The following POLR1E variants were observed in gnomAD, a reference collection of about 807,000 sequenced individuals.
POLR1E encodes the protein DNA-directed RNA polymerase I subunit RPA49.
POLR1E carries 37 observed loss-of-function variants against 50.9 expected under a neutral mutation model. The ratio of observed to expected loss-of-function variants is 0.73; its 90% confidence interval spans 0.56 to 0.96. The LOEUF (loss-of-function observed/expected upper bound fraction) is 0.96, where lower values mean the gene tolerates loss of function less well. POLR1E is among the 40% of genes least tolerant of loss of function. The pLI, the probability that POLR1E is intolerant of heterozygous loss-of-function variation, is 0.00. For missense variants in POLR1E, 426 were observed against 518.1 expected (o/e 0.82, Z 1.73); for synonymous variants, 166 against 191.6 (o/e 0.87, Z 1.10).
intron 8 of POLR1E, among the ~76,000 whole-genome samples, chr9:37,497,762 C>G (rs1468445080): frequency 6.6e-6 from 1 of 151,960 alleles, no homozygotes; most frequent in Non-Finnish European, 1.5e-5. Context: ...TGCTTTTGTT[C>G]GTTTGTTTTT....
intron 4 of POLR1E, chr9:37,492,162 A>C: frequency 1.2e-6 from 1 of 861,514 alleles, no homozygotes; most frequent in African/African-American, 1.8e-5. Flanking sequence ...ATAACAGGCA[A>C]GGCCACTCCA....
intron 8 of POLR1E, 146 bp from the exon 9 acceptor site, chr9:37,497,945 G>C (rs1820812961): frequency 2.2e-6 from 2 of 890,118 alleles, no homozygotes; most frequent in Non-Finnish European, 3.3e-6. Flanking sequence ...GTAGAGATGG[G>C]GTCTTGCCTT....
At chr9:37,494,960 C>T (rs1446676639) in intron 6 of POLR1E, among the ~76,000 whole-genome samples, 1 of 152,228 alleles carries the variant, frequency 6.6e-6, no homozygotes, top group African/African-American at 2.4e-5. Context: ...GTCACCTCCA[C>T]CTTCTCCAGT....
chr9:37,497,537 TATAA>T (rs1820806666), intron 8 of POLR1E, among the ~76,000 whole-genome samples: 1 of 152,200 alleles, frequency 6.6e-6, no homozygotes, highest in Non-Finnish European at 1.5e-5. Context: ...GTAAGTAAAG[TATAA>T]ATAAAGTTTT....
chr9:37,488,593 C>G (rs1820620114), intron 3 of POLR1E, among the ~76,000 whole-genome samples: 2 of 152,232 alleles, frequency 1.3e-5, no homozygotes, highest in Non-Finnish European at 2.9e-5. Context: ...CCTGCACTCT[C>G]CCCTCTCAGA....
chr9:37,486,525 ACCT>A (rs1820579013), intron 1 of POLR1E, 175 bp from the exon 2 acceptor site: 8 of 1,561,002 alleles, frequency 5.1e-6, no homozygotes, highest in Non-Finnish European at 6.9e-6. Flanking sequence ...CCACCTCCCT[ACCT>A]CCTCTTCTCA....
chr9:37,489,504 T>A, intron 4 of POLR1E, 104 bp downstream of exon 4: 1 of 738,312 alleles, frequency 1.4e-6, no homozygotes, highest in Non-Finnish European at 2.1e-6. Context: ...ATAGTTATTT[T>A]AATTTATTTA....
At chr9:37,486,641 C>T in intron 1 of POLR1E, 62 bp from the exon 2 acceptor site, 1 of 1,605,674 alleles carries the variant, frequency 6.2e-7, no homozygotes, top group Non-Finnish European at 8.5e-7. Context: ...TCCCACCGTA[C>T]ATTGTGTGGT....
intron 4 of POLR1E, chr9:37,492,244 G>C: frequency 7.8e-7 from 1 of 1,288,260 alleles, no homozygotes; most frequent in Non-Finnish European, 1.0e-6. Context: ...GAGAGCATCG[G>C]TAAGTACCAC....
intron 1 of POLR1E, chr9:37,486,441 A>G (rs960635444): frequency 2.6e-6 from 4 of 1,546,932 alleles, no homozygotes; most frequent in African/African-American, 2.7e-5. Context: ...CACTTTAGGT[A>G]TGTACCAGGC....
rs149832071 is a variant in POLR1E at position 37,486,637 on chromosome 9, CGTACATTGTGTG to C, written c.77-52_77-41del. 4,313 of 1,614,186 alleles carry C rather than the reference CGTACATTGTGTG, an allele frequency of 2.7e-3. 101 individuals carry two copies. In the African/African-American group the frequency reaches 0.049, roughly 18 times the overall value. ...CCTCCCAGTGACAGTCTAGTCCCAC[CGTACATTGTGTG>C]GTACATTGTGTGGCCTTCTGCTCTC... On this transcript the variant is annotated intron_variant, in intron 1 of 11. Transcript: ENST00000377798.
chr9:37,496,041 T>C, intron 8 of POLR1E, 55 bp downstream of exon 8: 3 of 1,328,278 alleles, frequency 2.3e-6, no homozygotes, highest in Non-Finnish European at 3.3e-6. Context: ...GACCCAACAG[T>C]AGTCAGACAC....
At chr9:37,495,750 C>G in intron 7 of POLR1E, 140 bp from the exon 8 acceptor site, 1 of 615,222 alleles carries the variant, frequency 1.6e-6, no homozygotes, top group Non-Finnish European at 3.0e-6. Flanking sequence ...TCACCAAGCT[C>G]TGCCCCTATG....
chr9:37,503,189 G>A lies in POLR1E; in HGVS notation c.1247G>A (p.Arg416Lys), dbSNP rs201183574. ...ACCTCAGACCGCCTGGCAAAGCGGA[G>A]GAAGATTACCTAGACGCATGCTTTC... ...AQTSDRLAKR[R>K]KIT is the part of the protein sequence containing the mutation. Residue 416 changes from arginine to lysine, a missense_variant, in exon 12 of 12, where the codon AGG becomes AAG. By Grantham distance (26) the Arg-to-Lys change is conservative (BLOSUM62 2). Transcript: ENST00000377798. 6.0e-5 allele frequency: 96 copies of A among 1,610,102 alleles called. No individual in the cohort carries two copies. The East Asian group carries it at 1.3e-3, about 22-fold the overall frequency.
In POLR1E at chr9:37,493,615, C is replaced by G; in HGVS notation, c.459C>G (p.Thr153=). Residue 153 remains threonine, a synonymous_variant, in exon 6 of 12, where the codon ACC becomes ACG. Transcript: ENST00000377798. ...CCAAACAGAAGCGAGCTCTGAACACCAGGAGAATGAACAGAGTTGGCAATG... is the reference window on the plus strand; with the variant it reads ...CCAAACAGAAGCGAGCTCTGAACACGAGGAGAATGAACAGAGTTGGCAATG... The part of the protein sequence containing the change: ...GTTKQKRALN[T]RRMNRVGNES... 1.2e-6 allele frequency: 2 copies of G among 1,609,872 alleles called. No individual in the cohort carries two copies. The highest frequency in any genetic ancestry group is 1.7e-4 in the Middle Eastern group (1 of 6,044).
At position 37,486,892 on chromosome 9, in the gene POLR1E, A is replaced by G. The variant is rs921910358; in HGVS notation, c.180+86A>G. ...GGTGGATGTGGGAGGGAGTGAGGGG[A>G]GAAAAAGGGGAGTAGTAGCAAATGG... On this transcript the variant is annotated intron_variant, in intron 2 of 11. Transcript: ENST00000377798. The G allele has an allele frequency of 4.1e-6, 6 of 1,480,364 alleles. No homozygotes were observed. In the South Asian group the frequency reaches 5.3e-5, roughly 13 times the overall value. 91.7% of individuals were successfully genotyped at this position (1,480,364 alleles called of 1,614,324 possible).
chr9:37,501,489 TTCTC>T (rs1466622690), intron 10 of POLR1E, among the ~76,000 whole-genome samples: 1 of 152,188 alleles, frequency 6.6e-6, no homozygotes, highest in African/African-American at 2.4e-5. Context: ...AGGCCCAGCT[TTCTC>T]TATCTGCCTC....
intron 4 of POLR1E, chr9:37,490,424 C>T (rs960531744): frequency 1.4e-5 from 11 of 769,358 alleles, no homozygotes; most frequent in South Asian, 4.1e-5. Context: ...ACACCTGTCA[C>T]GCCATGAATT....
chr9:37,501,578 C>T, intron 10 of POLR1E, 135 bp from the exon 11 acceptor site: 1 of 1,098,452 alleles, frequency 9.1e-7, no homozygotes, highest in African/African-American at 1.6e-5. Flanking sequence ...AAGTCACCCA[C>T]ATTCCTTTTC....
Sources: allele counts gnomAD v4.1 joint callset (sites outside exome capture counted in the v4.1 genomes callset), GRCh38; gene constraint gnomAD v4.1.1; transcripts MANE v1.5; gene names NCBI Gene and HGNC (gene_info 2026-07-23, HGNC 2026-07-21).